SPEN: variants seen among roughly 807,000 people sequenced by gnomAD.
The protein encoded by SPEN is msx2-interacting protein.
Under a neutral mutation model 269.9 loss-of-function variants are expected in SPEN, and 18 were observed. That is an observed-to-expected ratio of 0.07 (90% CI 0.05 to 0.10). The LOEUF is 0.10. SPEN is among the 10% of genes least tolerant of loss of function. The probability of loss-of-function intolerance (pLI) is 1.00; values close to 1 mark genes in which losing one functional copy is unlikely to be tolerated. For missense variants in SPEN, 3,822 were observed against 4,631.2 expected (o/e 0.83, Z 5.07); for synonymous variants, 1,726 against 1,765.7 (o/e 0.98, Z 0.56).
At chr1:15,921,323 C>T (rs1250077298) in intron 9 of SPEN, among the ~76,000 whole-genome samples, 1 of 152,048 alleles carries the variant, frequency 6.6e-6, no homozygotes, top group African/African-American at 2.4e-5. Flanking sequence ...GAGTAAGACT[C>T]CATCTCCAAA....
At position 15,930,504 on chromosome 1, in the gene SPEN, C is replaced by A; in HGVS notation, c.4264C>A (p.Leu1422Ile). The A allele has an allele frequency of 6.2e-7, 1 of 1,614,180 alleles. No homozygotes were observed. The highest frequency in any genetic ancestry group is 8.5e-7 in the Non-Finnish European group (1 of 1,180,032). The change falls in exon 11 of 15, where the codon CTC becomes ATC. Residue 1422 changes from leucine (L) to isoleucine (I), a missense_variant. Physicochemically the swap from Leu to Ile is conservative, Grantham distance 5. This residue lies in a region of SPEN where 267 missense variants were observed against 315.5 expected (regional missense o/e 0.85). Coordinates refer to ENST00000375759, the MANE Select transcript of SPEN (RefSeq NM_015001.3). The surrounding 1 kb of genome is among the most constrained non-coding windows in gnomAD (Gnocchi z 5.3). ...EDKLRERDER[L>I]SSSLERNKFY... ...CAAGCTACGTGAGCGAGATGAAAGA[C>A]TCTCTAGTTCTTTAGAAAGGAACAA...
chr1:15,848,113 A>G lies in SPEN; in HGVS notation c.46A>G (p.Asn16Asp). 1 of 1,498,604 alleles carries G rather than the reference A, an allele frequency of 6.7e-7. No homozygotes were observed. The allele number at this position is 1,498,604 out of a possible 1,614,324, so 92.8% of individuals were successfully genotyped here. A position where few individuals can be genotyped will look rare whatever the true frequency, so the allele number is the denominator to read the frequency against. The change falls in exon 1 of 15, where the codon AAC (asparagine) becomes GAC (aspartate). Residue 16 changes from asparagine (N) to aspartate (D), a missense_variant. By Grantham distance (23) the Asn-to-Asp change is conservative (BLOSUM62 1). Transcript: ENST00000375759. This position sits in a 1 kb window ranked among gnomAD's most constrained non-coding sequence, Gnocchi z 5.1. ...RHLWVGNLPENVREEKIIEHF... is the reference protein window; with the variant it reads ...RHLWVGNLPEDVREEKIIEHF... ...TCTCTGGGTGGGCAACTTACCCGAG[A>G]ACGTGCGGGAAGAGAAGATCATCGA...
chr1:15,870,240 A>T (rs2070559653), intron 1 of SPEN, among the ~76,000 whole-genome samples: 2 of 152,294 alleles, frequency 1.3e-5, no homozygotes, highest in Admixed American at 6.5e-5. Flanking sequence ...TAGGCAGTAC[A>T]CAAAGCCATG....
At chr1:15,892,059 C>T (rs1234120627) in intron 3 of SPEN, among the ~76,000 whole-genome samples, 12 of 116,476 alleles carry the variant, frequency 1.0e-4, no homozygotes, top group African/African-American at 2.8e-4. Flanking sequence ...CTCGCTCTGT[C>T]GCCCAGGCTG....
intron 1 of SPEN, among the ~76,000 whole-genome samples, chr1:15,864,857 A>G (rs922100235): frequency 1.4e-5 from 2 of 142,194 alleles, no homozygotes; most frequent in Admixed American, 1.4e-4. Flanking sequence ...TTTTATTTTT[A>G]GTAGAGAAGG....
chr1:15,859,070 T>C (rs1430886868), intron 1 of SPEN, among the ~76,000 whole-genome samples: 3 of 152,296 alleles, frequency 2.0e-5, no homozygotes, highest in South Asian at 4.1e-4. Context: ...GTCAAACATA[T>C]CTCTCCTTAA....
rs751367292 is a variant in SPEN at position 15,934,609 on chromosome 1, T to G, written c.8369T>G (p.Met2790Arg). 1.2e-6 allele frequency: 2 copies of G among 1,613,872 alleles called. No individual in the cohort carries two copies. The highest frequency in any genetic ancestry group is 1.7e-6 in the Non-Finnish European group (2 of 1,179,896). ...AACAGTCGGTTCCACCCAGGGTCCA[T>G]GCCTGTGATCGACGATCGTCCGGCA... ...NENSRFHPGS[M>R]PVIDDRPADA... Residue 2790 changes from methionine (M) to arginine (R), a missense_variant, in exon 11 of 15, where the codon ATG becomes AGG. By Grantham distance (91) the Met-to-Arg change is moderately conservative. Coordinates refer to ENST00000375759, the MANE Select transcript of SPEN (RefSeq NM_015001.3). The surrounding 1 kb of genome is among the most constrained non-coding windows in gnomAD (Gnocchi z 9.2).
chr1:15,888,246 T>A (rs2070754974), intron 3 of SPEN, among the ~76,000 whole-genome samples: 1 of 151,396 alleles, frequency 6.6e-6, no homozygotes, highest in African/African-American at 2.4e-5. Context: ...AAACAACAAA[T>A]TTAAAAATAA....
intron 8 of SPEN, among the ~76,000 whole-genome samples, chr1:15,920,127 C>A (rs778127684): frequency 6.6e-6 from 1 of 151,752 alleles, no homozygotes; most frequent in Admixed American, 6.6e-5. Flanking sequence ...TGGAGTGCAG[C>A]GGCGGGATCT....
chr1:15,911,655 T>C (rs1361610212), intron 5 of SPEN, among the ~76,000 whole-genome samples: 1 of 152,134 alleles, frequency 6.6e-6, no homozygotes, highest in African/African-American at 2.4e-5. Context: ...AGAATTACCT[T>C]GAATTGGAAA....
In SPEN at chr1:15,918,917, T is replaced by C. The variant is rs2071090366; in HGVS notation, c.1396-9T>C. 1 of 1,603,536 alleles carries C rather than the reference T, an allele frequency of 6.2e-7. No individual in the cohort carries two copies. The highest frequency in any genetic ancestry group is 8.5e-7 in the Non-Finnish European group (1 of 1,176,844). Reference sequence around the variant, plus strand: ...CATATTGCTAAGTTGTATTCATTGGTTTTTTCAGGATATTGACATTAAGAA... The same window carrying C: ...CATATTGCTAAGTTGTATTCATTGGCTTTTTCAGGATATTGACATTAAGAA... On this transcript the variant is annotated splice_polypyrimidine_tract_variant and intron_variant, in intron 6 of 14. Coordinates refer to ENST00000375759, the MANE Select transcript of SPEN (RefSeq NM_015001.3).
intron 10 of SPEN, among the ~76,000 whole-genome samples, chr1:15,924,299 A>G (rs1003420965): frequency 6.6e-6 from 1 of 152,180 alleles, no homozygotes; most frequent in East Asian, 1.9e-4. Context: ...ATTCTTATCT[A>G]TATGTGAGTG....
In SPEN at chr1:15,939,019, A is replaced by T. The variant is rs941122768; in HGVS notation, c.10863+143A>T. On this transcript the variant is annotated intron_variant, in intron 14 of 14. Transcript: ENST00000375759. This position sits in a 1 kb window ranked among gnomAD's most constrained non-coding sequence, Gnocchi z 4.1. ...TTTTGGACAGAAGTCAGTAGAGCAC[A>T]TGGGGCGGGGCGCCATCACCCATCC... 1.4e-5 allele frequency: 16 copies of T among 1,146,432 alleles called. 1 individual carries two copies. The South Asian group carries it at 2.4e-4, about 17-fold the overall frequency. 71.0% of individuals were successfully genotyped at this position (1,146,432 alleles called of 1,614,324 possible). A position where few individuals can be genotyped will look rare whatever the true frequency, so the allele number is the denominator to read the frequency against.
intron 3 of SPEN, among the ~76,000 whole-genome samples, chr1:15,905,894 C>G (rs1479420642): frequency 6.6e-6 from 1 of 152,118 alleles, no homozygotes; most frequent in East Asian, 1.9e-4. Context: ...TTTCAATAGC[C>G]GTAAATTTTG....
chr1:15,854,773 G>A (rs761001647), intron 1 of SPEN, among the ~76,000 whole-genome samples: 7 of 152,084 alleles, frequency 4.6e-5, no homozygotes, highest in African/African-American at 1.4e-4. Flanking sequence ...GAGCCACCGC[G>A]ACCGGCCAAA....
rs747079223 is a variant in SPEN, at chr1:15,934,226, G to C, written c.7986G>C (p.Leu2662=). Residue 2662 remains leucine, a synonymous_variant, in exon 11 of 15, where the codon CTG becomes CTC. Coordinates refer to ENST00000375759, the MANE Select transcript of SPEN (RefSeq NM_015001.3). This position sits in a 1 kb window ranked among gnomAD's most constrained non-coding sequence, Gnocchi z 9.2. ...TCACTGGCCTGGTGAACGTCTCCCT[G>C]GTCCCGGTGAATGCCCTGAAAGGCC... is the stretch of plus-strand genomic sequence containing the variant. The part of the protein sequence containing the change: ...SALTGLVNVS[L]VPVNALKGPV... 3 of 1,614,226 alleles carry C rather than the reference G, an allele frequency of 1.9e-6. No individual in the cohort carries two copies. The highest frequency in any genetic ancestry group is 2.5e-6 in the Non-Finnish European group (3 of 1,180,036).
chr1:15,876,099 A>G (rs1239154708), intron 2 of SPEN, 103 bp from the exon 3 acceptor site: 2 of 841,520 alleles, frequency 2.4e-6, no homozygotes, highest in East Asian at 2.5e-5. Context: ...GAAAATGACC[A>G]GTTGCAAAGA....
At position 15,848,627 on chromosome 1, in the gene SPEN, C is replaced by G. The variant is rs1303077395; in HGVS notation, c.83+477C>G. Reference sequence around the variant, plus strand: ...TGTCTGACTTCGGGAGGGTTCCGTGCGAAGGGAAAGGCGGTGCGAAAACAG... The same window carrying G: ...TGTCTGACTTCGGGAGGGTTCCGTGGGAAGGGAAAGGCGGTGCGAAAACAG... On this transcript the variant is annotated intron_variant, in intron 1 of 14. Transcript: ENST00000375759. This position sits in a 1 kb window ranked among gnomAD's most constrained non-coding sequence, Gnocchi z 5.1. Among the ~76,000 whole-genome samples, 1 of 152,170 alleles carries G rather than the reference C, an allele frequency of 6.6e-6. No individual in the cohort carries two copies. The highest frequency in any genetic ancestry group is 2.4e-5 in the African/African-American group (1 of 41,454).
At chr1:15,892,021 T>A (rs915967111) in intron 3 of SPEN, among the ~76,000 whole-genome samples, 10 of 131,468 alleles carry the variant, frequency 7.6e-5, no homozygotes, top group African/African-American at 3.0e-4. Context: ...ACTTTTTTTT[T>A]TTTTTTTTTT....
Sources: allele counts gnomAD v4.1 joint callset (sites outside exome capture counted in the v4.1 genomes callset), GRCh38; gene constraint gnomAD v4.1.1; regional missense constraint gnomAD v4.1.1; non-coding constraint Gnocchi (gnomAD v3.1); transcripts MANE v1.5; gene names NCBI Gene and HGNC (gene_info 2026-07-23, HGNC 2026-07-21).